SGCZ: variants seen among roughly 807,000 people sequenced by gnomAD.
The protein encoded by SGCZ is sarcoglycan zeta.
Under a neutral mutation model 41.3 loss-of-function variants are expected in SGCZ, and 40 were observed. The ratio of observed to expected loss-of-function variants is 0.97; its 90% confidence interval spans 0.75 to 1.26. The LOEUF (loss-of-function observed/expected upper bound fraction) is 1.26, where lower values mean the gene tolerates loss of function less well. Among genes scored for constraint, SGCZ ranks in the 50% most tolerant of loss-of-function variants. The pLI is 0.00. For missense variants in SGCZ, 552 were observed against 369.8 expected (o/e 1.49, Z -4.04); for synonymous variants, 206 against 137.5 (o/e 1.50, Z -3.49).
intron 1 of SGCZ, among the ~76,000 whole-genome samples, chr8:14,950,708 T>C (rs944882055): frequency 3.3e-5 from 5 of 151,980 alleles, no homozygotes; most frequent in Admixed American, 6.6e-5. Flanking sequence ...GAAATGTGAA[T>C]GTGGTGAGCC....
At chr8:14,474,417 TTG>T (rs1801300879) in intron 2 of SGCZ, among the ~76,000 whole-genome samples, 1 of 152,234 alleles carries the variant, frequency 6.6e-6, no homozygotes, top group African/African-American at 2.4e-5. Context: ...ACACATAAAC[TTG>T]TGTGTTCACA....
intron 1 of SGCZ, among the ~76,000 whole-genome samples, chr8:14,747,329 A>G (rs1799364210): frequency 6.6e-6 from 1 of 152,166 alleles, no homozygotes; most frequent in South Asian, 2.1e-4. Context: ...AACACAACAC[A>G]GTGGCTGAAG....
chr8:15,185,773 A>C (rs1299433850), intron 1 of SGCZ, among the ~76,000 whole-genome samples: 2 of 152,166 alleles, frequency 1.3e-5, no homozygotes, highest in Non-Finnish European at 2.9e-5. Flanking sequence ...AGTAATCTAA[A>C]GCCTCAAGAT....
intron 1 of SGCZ, among the ~76,000 whole-genome samples, chr8:14,780,353 C>A (rs188578317): frequency 2.4e-4 from 35 of 147,086 alleles, no homozygotes; most frequent in African/African-American, 8.4e-4. Context: ...CCAGCCTGGG[C>A]CACAGAGTGA....
At chr8:15,132,544 T>C (rs1807950375) in intron 1 of SGCZ, among the ~76,000 whole-genome samples, 1 of 152,220 alleles carries the variant, frequency 6.6e-6, no homozygotes, top group South Asian at 2.1e-4. Flanking sequence ...TAAATTATCA[T>C]TTTAATCCAC....
chr8:15,173,263 A>T (rs888660207), intron 1 of SGCZ, among the ~76,000 whole-genome samples: 16 of 152,230 alleles, frequency 1.1e-4, no homozygotes, highest in South Asian at 2.1e-4. Flanking sequence ...GAGTAATTTT[A>T]AAAATATTCA....
chr8:15,184,692 T>C (rs1264871325), intron 1 of SGCZ, among the ~76,000 whole-genome samples: 3 of 152,142 alleles, frequency 2.0e-5, no homozygotes, highest in African/African-American at 4.8e-5. Context: ...GCTTTGGTGT[T>C]CCGGAAGCGG....
intron 1 of SGCZ, among the ~76,000 whole-genome samples, chr8:15,230,820 T>G (rs896098347): frequency 6.6e-5 from 10 of 152,168 alleles, no homozygotes; most frequent in African/African-American, 2.4e-4. Context: ...TCGAAGACAT[T>G]GGACAAATTC....
chr8:14,877,992 A>T (rs755187088), intron 1 of SGCZ, among the ~76,000 whole-genome samples: 1 of 152,046 alleles, frequency 6.6e-6, no homozygotes, highest in Non-Finnish European at 1.5e-5. Flanking sequence ...CTTTTAAACA[A>T]ATCTCTAAGA....
chr8:14,497,594 G>C (rs1319496688), intron 2 of SGCZ, among the ~76,000 whole-genome samples: 1 of 150,930 alleles, frequency 6.6e-6, no homozygotes, highest in African/African-American at 2.5e-5. Flanking sequence ...GTGTGTGTGT[G>C]AGAGAGAGAG....
chr8:14,638,419 TA>T (rs1407265339), intron 1 of SGCZ, among the ~76,000 whole-genome samples: 1 of 151,894 alleles, frequency 6.6e-6, no homozygotes, highest in Non-Finnish European at 1.5e-5. Context: ...TCTCCCAGTA[TA>T]AATAACATTT....
chr8:14,736,011 G>T (rs1276007322), intron 1 of SGCZ, among the ~76,000 whole-genome samples: 2 of 152,006 alleles, frequency 1.3e-5, no homozygotes, highest in Admixed American at 6.6e-5. Flanking sequence ...TTGTAAGCAG[G>T]CTGAGACCTA....
intron 3 of SGCZ, among the ~76,000 whole-genome samples, chr8:14,239,352 T>C (rs1333350015): frequency 6.6e-6 from 1 of 152,008 alleles, no homozygotes; most frequent in African/African-American, 2.4e-5. Flanking sequence ...TTAAACACAT[T>C]TGAATATTTG....
intron 1 of SGCZ, among the ~76,000 whole-genome samples, chr8:14,771,443 C>T (rs1226631587): frequency 2.6e-5 from 4 of 152,032 alleles, no homozygotes. Flanking sequence ...CTTTCAATTA[C>T]AGAAAGAAAA....
rs1480877347 is a variant in SGCZ at position 14,581,276 on chromosome 8, T to C, written c.40-26350A>G. On this transcript the variant is annotated intron_variant, in intron 1 of 7. Coordinates refer to ENST00000382080, the MANE Select transcript of SGCZ (RefSeq NM_139167.4). ...AGCACCACCACAACACCTGCCTGAT[T>C]TTTGTATTTTTATAGATACGGGGTT... Among the ~76,000 whole-genome samples the C allele has an allele frequency of 2.0e-5, 3 of 151,938 alleles. No homozygotes were observed. The East Asian group carries it at 5.8e-4, about 29-fold the overall frequency.
chr8:14,540,688 T>G (rs1803438650), intron 2 of SGCZ, among the ~76,000 whole-genome samples: 1 of 151,986 alleles, frequency 6.6e-6, no homozygotes, highest in Non-Finnish European at 1.5e-5. Context: ...CATATCTTAT[T>G]ACATAATTCC....
At chr8:14,111,551 T>C (rs1802372511) in intron 5 of SGCZ, among the ~76,000 whole-genome samples, 1 of 152,178 alleles carries the variant, frequency 6.6e-6, no homozygotes, top group South Asian at 2.1e-4. Flanking sequence ...TCATTGCTAT[T>C]TTAAGGGGCT....
chr8:14,530,871 T>C (rs1302815198), intron 2 of SGCZ, among the ~76,000 whole-genome samples: 1 of 152,046 alleles, frequency 6.6e-6, no homozygotes, highest in Non-Finnish European at 1.5e-5. Flanking sequence ...ATCAGGACAA[T>C]TCACTTATAT....
chr8:14,289,367 A>T (rs561443988), intron 3 of SGCZ, among the ~76,000 whole-genome samples: 76 of 152,126 alleles, frequency 5.0e-4, no homozygotes, highest in South Asian at 1.9e-3. Context: ...ATGAATTAAT[A>T]CCCCTATATT....
Sources: allele counts gnomAD v4.1 joint callset (sites outside exome capture counted in the v4.1 genomes callset), GRCh38; gene constraint gnomAD v4.1.1; transcripts MANE v1.5; gene names NCBI Gene and HGNC (gene_info 2026-07-23, HGNC 2026-07-21).